PRKD1: variants seen among roughly 807,000 people sequenced by gnomAD.
PRKD1 encodes the protein serine/threonine-protein kinase D1.
A neutral mutation model predicts 95.9 loss-of-function variants in PRKD1; 63 were observed. The observed-to-expected ratio is 0.66, with a 90% CI of 0.54 to 0.81. The LOEUF (loss-of-function observed/expected upper bound fraction) is 0.81, where lower values mean the gene tolerates loss of function less well. PRKD1 is among the 30% of genes least tolerant of loss of function. The probability of loss-of-function intolerance (pLI) is 0.00; values close to 1 mark genes in which losing one functional copy is unlikely to be tolerated. For synonymous variants in PRKD1, 425 were observed against 423.1 expected, an observed-to-expected ratio of 1.00 and a Z score of -0.05; for missense variants, 1,048 against 1,165.3, an observed-to-expected ratio of 0.90 and a Z score of 1.47.
chr14:29,655,805 A>C (rs1433980958), intron 4 of PRKD1, among the ~76,000 whole-genome samples: 1 of 152,036 alleles, frequency 6.6e-6, no homozygotes, highest in Non-Finnish European at 1.5e-5. Context: ...ATTTTTAAAA[A>C]ATAATTAATA....
At chr14:29,686,855 C>T (rs1213155771) in intron 2 of PRKD1, among the ~76,000 whole-genome samples, 4 of 152,208 alleles carry the variant, frequency 2.6e-5, no homozygotes, top group Non-Finnish European at 4.4e-5. Flanking sequence ...TTGCCGTTCT[C>T]GCTACTTGAG....
chr14:29,893,673 T>TA (rs1424794353), intron 1 of PRKD1, among the ~76,000 whole-genome samples: 2 of 152,220 alleles, frequency 1.3e-5, no homozygotes, highest in Non-Finnish European at 2.9e-5. Flanking sequence ...CAGTGGTTCT[T>TA]AGTGTCTTCC....
intron 1 of PRKD1, among the ~76,000 whole-genome samples, chr14:29,790,518 C>T (rs1440275740): frequency 6.6e-6 from 1 of 152,054 alleles, no homozygotes. Flanking sequence ...TTAGCCAGCC[C>T]CACGGGATTT....
At chr14:29,917,287 G>A (rs890216393) in intron 1 of PRKD1, among the ~76,000 whole-genome samples, 1 of 152,072 alleles carries the variant, frequency 6.6e-6, no homozygotes, top group Non-Finnish European at 1.5e-5. Context: ...GACAACCTAG[G>A]AAAAGGCTCT....
intron 16 of PRKD1, among the ~76,000 whole-genome samples, chr14:29,578,694 A>G (rs757848324): frequency 1.3e-5 from 2 of 152,064 alleles, no homozygotes; most frequent in Non-Finnish European, 2.9e-5. Context: ...CATCATTTAA[A>G]TATGTCTTAC....
chr14:29,778,696 T>G (rs1439703282), intron 1 of PRKD1, among the ~76,000 whole-genome samples: 1 of 152,220 alleles, frequency 6.6e-6, no homozygotes, highest in Non-Finnish European at 1.5e-5. Flanking sequence ...CACAGCCGAA[T>G]TCTACCAGAG....
intron 2 of PRKD1, among the ~76,000 whole-genome samples, chr14:29,674,307 A>C (rs1378715067): frequency 6.6e-6 from 1 of 152,140 alleles, no homozygotes; most frequent in Non-Finnish European, 1.5e-5. Context: ...TCCAGAGGAA[A>C]TTGCTTTCCT....
chr14:29,853,277 T>C (rs1302608668), intron 1 of PRKD1, among the ~76,000 whole-genome samples: 1 of 152,250 alleles, frequency 6.6e-6, no homozygotes, highest in African/African-American at 2.4e-5. Context: ...GAAAGTCCTA[T>C]AACTTTACTG....
chr14:29,717,077 TACA>T (rs988996214), intron 2 of PRKD1, among the ~76,000 whole-genome samples: 2 of 152,194 alleles, frequency 1.3e-5, no homozygotes, highest in Non-Finnish European at 2.9e-5. Flanking sequence ...TCAATTCCTA[TACA>T]ACAACATTAA....
At chr14:29,578,240 C>A in intron 17 of PRKD1, 35 bp downstream of exon 17, 2 of 1,423,876 alleles carry the variant, frequency 1.4e-6, no homozygotes, top group South Asian at 1.3e-5. Context: ...TTTAGAAGCT[C>A]ATTCAACTAA....
intron 4 of PRKD1, among the ~76,000 whole-genome samples, chr14:29,644,443 T>G (rs553070422): frequency 6.6e-6 from 1 of 152,322 alleles, no homozygotes; most frequent in Non-Finnish European, 1.5e-5. Flanking sequence ...ACAGCGTCAC[T>G]GTAAAACAGA....
At chr14:29,845,771 T>G (rs1195051009) in intron 1 of PRKD1, among the ~76,000 whole-genome samples, 2 of 152,164 alleles carry the variant, frequency 1.3e-5, no homozygotes, top group Non-Finnish European at 2.9e-5. Flanking sequence ...AGCAAAAACC[T>G]CTATCTGGTT....
chr14:29,775,227 G>A (rs901444936), intron 1 of PRKD1, among the ~76,000 whole-genome samples: 3 of 152,220 alleles, frequency 2.0e-5, no homozygotes, highest in East Asian at 3.8e-4. Flanking sequence ...GAGCGACGCA[G>A]AAGGCGGGTG....
intron 1 of PRKD1, among the ~76,000 whole-genome samples, chr14:29,920,587 T>TACACACAC (rs5807556): frequency 0.011 from 1,541 of 141,360 alleles, 34 homozygotes; most frequent in African/African-American, 0.034. Flanking sequence ...TCCAGTCTAA[T>TACACACAC]ACACACACAC....
In PRKD1 at chr14:29,577,400, G is replaced by A. The variant is rs764674843; in HGVS notation, c.2577C>T (p.Tyr859=). The change falls in exon 18 of 18, where the codon TAC becomes TAT. Residue 859 remains tyrosine (Y), a synonymous_variant. Transcript: ENST00000331968. ...TCAGGTCATCACTTTCATGGGTGATGTAGCGCTCCCCGATTTTGCATTCCA... is the reference window on the plus strand; with the variant it reads ...TCAGGTCATCACTTTCATGGGTGATATAGCGCTCCCCGATTTTGCATTCCA... ...RELECKIGER[Y]ITHESDDLRW... The A allele has an allele frequency of 3.1e-6, 5 of 1,613,670 alleles. No individual in the cohort carries two copies. The South Asian group carries it at 3.3e-5, about 11-fold the overall frequency.
chr14:29,818,889 T>G (rs1022219633), intron 1 of PRKD1, among the ~76,000 whole-genome samples: 10 of 152,174 alleles, frequency 6.6e-5, no homozygotes, highest in Non-Finnish European at 2.9e-5. Context: ...GTAGATATAC[T>G]AGATATAGTA....
chr14:29,853,757 G>A (rs1314083310), intron 1 of PRKD1, among the ~76,000 whole-genome samples: 3 of 152,232 alleles, frequency 2.0e-5, no homozygotes, highest in Admixed American at 1.3e-4. Context: ...TAATTCCCAT[G>A]TGTTGTGGGA....
At chr14:29,737,284 T>C (rs889195214) in intron 1 of PRKD1, among the ~76,000 whole-genome samples, 1 of 120,676 alleles carries the variant, frequency 8.3e-6, no homozygotes, top group African/African-American at 3.2e-5. Flanking sequence ...ATTGCGCCAC[T>C]GCAGTCCGCA....
intron 1 of PRKD1, among the ~76,000 whole-genome samples, chr14:29,924,403 T>C (rs1895226281): frequency 6.6e-6 from 1 of 152,190 alleles, no homozygotes; most frequent in Non-Finnish European, 1.5e-5. Flanking sequence ...AATAATAATT[T>C]ACAGGTGAGT....
Sources: allele counts gnomAD v4.1 joint callset (sites outside exome capture counted in the v4.1 genomes callset), GRCh38; gene constraint gnomAD v4.1.1; transcripts MANE v1.5; gene names NCBI Gene and HGNC (gene_info 2026-07-23, HGNC 2026-07-21).